PPP6R2: variants seen among roughly 807,000 people sequenced by gnomAD.
The protein encoded by PPP6R2 is serine/threonine-protein phosphatase 6 regulatory subunit 2.
In PPP6R2, 62 loss-of-function variants were observed where a neutral mutation model predicts 100.2. That is an observed-to-expected ratio of 0.62 (90% CI 0.50 to 0.76). The LOEUF (loss-of-function observed/expected upper bound fraction) is 0.76, where lower values mean the gene tolerates loss of function less well. Among genes scored for constraint, PPP6R2 ranks in the 30% least tolerant of loss-of-function variants. The pLI is 0.00. For synonymous variants in PPP6R2, 525 were observed against 514.7 expected (o/e 1.02, Z -0.27); for missense variants, 1,142 against 1,276.3 (o/e 0.89, Z 1.60).
chr22:50,360,096 A>C (rs1375284290), intron 1 of PPP6R2, among the ~76,000 whole-genome samples: 1 of 140,476 alleles, frequency 7.1e-6, no homozygotes, highest in African/African-American at 2.7e-5. Context: ...TCTGTCATGG[A>C]GGCTGGAATG....
chr22:50,367,999 G>C (rs1351216905), intron 1 of PPP6R2, among the ~76,000 whole-genome samples: 1 of 152,222 alleles, frequency 6.6e-6, no homozygotes, highest in African/African-American at 2.4e-5. Flanking sequence ...CCACTGGACA[G>C]GGGGCCGGCC....
chr22:50,365,696 A>C (rs1159005367), intron 1 of PPP6R2, among the ~76,000 whole-genome samples: 6 of 149,502 alleles, frequency 4.0e-5, no homozygotes, highest in African/African-American at 1.5e-4. Flanking sequence ...AAAAAAAAAG[A>C]ACCATTTAAA....
intron 3 of PPP6R2, among the ~76,000 whole-genome samples, chr22:50,405,948 G>A (rs1603262510): frequency 3.5e-5 from 5 of 141,426 alleles, no homozygotes; most frequent in East Asian, 2.2e-4. Flanking sequence ...CCTGGAGAGA[G>A]GTGAGAGGCC....
At chr22:50,340,723 C>T (rs985084227), upstream of PPP6R2, among the ~76,000 whole-genome samples, 1 of 151,728 alleles carries the variant, frequency 6.6e-6, no homozygotes, top group Admixed American at 6.6e-5. Flanking sequence ...CCAAGGAAGG[C>T]CCTGCGGGGA....
chr22:50,348,262 G>T (rs911568977), intron 1 of PPP6R2, among the ~76,000 whole-genome samples: 6 of 152,140 alleles, frequency 3.9e-5, no homozygotes, highest in African/African-American at 1.4e-4. Flanking sequence ...GAGTTGGAGA[G>T]TGCCATGATC....
chr22:50,394,203 G>A (rs997526811), intron 3 of PPP6R2, 68 bp downstream of exon 3: 3 of 1,584,050 alleles, frequency 1.9e-6, no homozygotes, highest in Non-Finnish European at 2.6e-6. Flanking sequence ...GGCAGTGTCT[G>A]AGGATGGCCA....
chr22:50,418,854 C>T lies in PPP6R2; in HGVS notation c.619-13C>T, dbSNP rs1233658863. 3 of 1,599,006 alleles carry T rather than the reference C, an allele frequency of 1.9e-6. No homozygotes were observed. The highest frequency in any genetic ancestry group is 2.6e-6 in the Non-Finnish European group (3 of 1,166,460). On this transcript the variant is annotated splice_polypyrimidine_tract_variant and intron_variant, in intron 6 of 23. Coordinates refer to ENST00000612753, the MANE Select transcript of PPP6R2 (RefSeq NM_001242898.2). ...CCACACTGAGGGACTCTGTGTTTCC[C>T]TTGTCTTTTCAGAGGCAGTCAAATG...
At chr22:50,387,995 A>C (rs896145520) in intron 2 of PPP6R2, among the ~76,000 whole-genome samples, 5 of 152,140 alleles carry the variant, frequency 3.3e-5, no homozygotes, top group Admixed American at 2.6e-4. Flanking sequence ...GACTTTGATC[A>C]TAAATCTTTA....
Position 50,438,641 on chromosome 22 carries a change from C to T in PPP6R2, c.2007C>T (p.Gly669=), listed in dbSNP as rs776532310. 3 of 1,614,018 alleles carry T rather than the reference C, an allele frequency of 1.9e-6. No homozygotes were observed. Among genetic ancestry groups the T allele is most frequent in the Non-Finnish European group, 1.7e-6 (2 of 1,179,982 alleles). ...CTTCAGAGAGTTGCTCAAAGAATGG[C>T]CCAGAGCGTGGAGGCCAGGATGGGA... The part of the protein sequence containing the change: ...PHASESCSKN[G]PERGGQDGKA... Residue 669 remains glycine, a synonymous_variant, in exon 19 of 24, where the codon GGC becomes GGT. Coordinates refer to ENST00000612753, the MANE Select transcript of PPP6R2 (RefSeq NM_001242898.2).
At chr22:50,382,332 C>T (rs7289089) in intron 2 of PPP6R2, among the ~76,000 whole-genome samples, 3,849 of 152,170 alleles carry the variant, frequency 0.025, 153 homozygotes, top group African/African-American at 0.089. Flanking sequence ...GGCACGGTGG[C>T]TCATGCCTGT....
intron 1 of PPP6R2, among the ~76,000 whole-genome samples, chr22:50,364,358 G>C (rs955055401): frequency 1.3e-5 from 2 of 152,098 alleles, no homozygotes; most frequent in Admixed American, 6.6e-5. Flanking sequence ...TGAAATTACG[G>C]ATACTGCAAG....
intron 3 of PPP6R2, among the ~76,000 whole-genome samples, chr22:50,403,505 T>G (rs1018582293): frequency 1.3e-5 from 2 of 152,232 alleles, no homozygotes; most frequent in Non-Finnish European, 2.9e-5. Context: ...GGGTGGGTAC[T>G]GCCTGCCCCA....
At chr22:50,339,934 GGTGT>G (rs1159500266), upstream of PPP6R2, among the ~76,000 whole-genome samples, 11 of 130,020 alleles carry the variant, frequency 8.5e-5, no homozygotes, top group African/African-American at 1.4e-4. Flanking sequence ...TGGGGTGTGT[GGTGT>G]GTGTGTTATG....
intron 1 of PPP6R2, among the ~76,000 whole-genome samples, chr22:50,355,851 A>C (rs1378713086): frequency 6.6e-6 from 1 of 151,424 alleles, no homozygotes; most frequent in African/African-American, 2.4e-5. Context: ...GAAAAAAAAA[A>C]ACCAAAAAAA....
At chr22:50,438,578 C>G (rs553115911) in intron 18 of PPP6R2, 21 bp from the exon 19 acceptor site, 1 of 1,612,718 alleles carries the variant, frequency 6.2e-7, no homozygotes, top group Non-Finnish European at 8.5e-7. Context: ...CACCAGACAT[C>G]TGACTCTGAA....
intron 1 of PPP6R2, among the ~76,000 whole-genome samples, chr22:50,347,871 T>C (rs762422445): frequency 2.0e-5 from 3 of 152,218 alleles, no homozygotes; most frequent in Non-Finnish European, 4.4e-5. Flanking sequence ...GATGTCCCTT[T>C]TTCTGGTTTA....
At chr22:50,402,479 C>G (rs996123933) in intron 3 of PPP6R2, among the ~76,000 whole-genome samples, 1 of 152,132 alleles carries the variant, frequency 6.6e-6, no homozygotes, top group Non-Finnish European at 1.5e-5. Context: ...CCTGCCCTTA[C>G]TGGCCGCCAA....
At chr22:50,339,536 TGTG>T (rs2042345041), upstream of PPP6R2, among the ~76,000 whole-genome samples, 2 of 87,858 alleles carry the variant, frequency 2.3e-5, no homozygotes, top group Non-Finnish European at 4.7e-5. Flanking sequence ...TGGTGTGTGG[TGTG>T]TGTGTGGTGT....
rs1186476196 is a variant in PPP6R2, at chr22:50,444,296, A to G, written c.*49A>G. ...CCACCCTGGTCAGGCTGCCTCCTTAATCGAGAAAACTACCTGGTGATGCAA... is the reference window on the plus strand; with the variant it reads ...CCACCCTGGTCAGGCTGCCTCCTTAGTCGAGAAAACTACCTGGTGATGCAA... On this transcript the variant is annotated 3_prime_UTR_variant, in exon 24 of 24. Transcript: ENST00000612753. 6.3e-7 allele frequency: 1 copy of G among 1,581,492 alleles called. No homozygotes were observed. Among genetic ancestry groups the G allele is most frequent in the South Asian group, 1.2e-5 (1 of 86,048 alleles).
Sources: allele counts gnomAD v4.1 joint callset (sites outside exome capture counted in the v4.1 genomes callset), GRCh38; gene constraint gnomAD v4.1.1; transcripts MANE v1.5; gene names NCBI Gene and HGNC (gene_info 2026-07-23, HGNC 2026-07-21).